The following ELAVL4 variants were observed in gnomAD, a reference collection of about 807,000 sequenced individuals.
ELAVL4 encodes ELAV like RNA binding protein 4.
A neutral mutation model predicts 35.6 loss-of-function variants in ELAVL4; 1 was observed. The ratio of observed to expected loss-of-function variants is 0.03; its 90% CI spans 0.01 to 0.13. ELAVL4 has a LOEUF of 0.13. Among genes scored for constraint, ELAVL4 ranks in the 10% least tolerant of loss-of-function variants. The pLI, the probability that ELAVL4 is intolerant of heterozygous loss-of-function variation, is 1.00. For missense variants in ELAVL4, 267 were observed against 464.9 expected (o/e 0.57, Z 3.91); for synonymous variants, 156 against 171.0 (o/e 0.91, Z 0.69).
rs1213720608 is a variant in ELAVL4 at position 50,119,757 on chromosome 1, A to G, written c.9+10559A>G. On this transcript the variant is annotated intron_variant, in intron 1 of 6. Transcript: ENST00000371824. ...TTCTAGAACTTCAGCTGTTCTCAGC[A>G]TAGTTCTGCTTGTAACAGATCTGTG... Among the ~76,000 whole-genome samples the G allele has an allele frequency of 5.3e-5, 8 of 151,918 alleles. 1 individual carries two copies. The highest frequency in any genetic ancestry group is 7.4e-5 in the Non-Finnish European group (5 of 67,946).
intron 1 of ELAVL4, among the ~76,000 whole-genome samples, chr1:50,068,302 C>T (rs140179897): frequency 1.0e-3 from 155 of 152,226 alleles, no homozygotes; most frequent in Non-Finnish European, 1.5e-5. Context: ...GAGCAGTCCA[C>T]TTTGGTATGG....
At chr1:50,111,215 G>A (rs1027747397) in intron 1 of ELAVL4, among the ~76,000 whole-genome samples, 7 of 151,130 alleles carry the variant, frequency 4.6e-5, no homozygotes, top group African/African-American at 1.7e-4. Flanking sequence ...AGGTGAGGGG[G>A]AAGGGAGGGT....
At chr1:50,197,827 A>G (rs1644149977) in intron 6 of ELAVL4, among the ~76,000 whole-genome samples, 1 of 152,250 alleles carries the variant, frequency 6.6e-6, no homozygotes, top group East Asian at 1.9e-4. Flanking sequence ...ACTGTTTTGC[A>G]TTAGCAATGC....
At chr1:50,093,552 C>G (rs2148507198) in intron 1 of ELAVL4, among the ~76,000 whole-genome samples, 1 of 152,292 alleles carries the variant, frequency 6.6e-6, no homozygotes, top group African/African-American at 2.4e-5. Flanking sequence ...TTTGCCATTA[C>G]TGGTTTATGC....
At chr1:50,192,743 A>T (rs2148877307) in intron 3 of ELAVL4, among the ~76,000 whole-genome samples, 1 of 152,338 alleles carries the variant, frequency 6.6e-6, no homozygotes, top group East Asian at 1.9e-4. Flanking sequence ...TAGCTTTAGC[A>T]GGAAAGTGCT....
In ELAVL4 at chr1:50,098,406, A is replaced by C. The variant is rs367797977; in HGVS notation, c.19-46551A>C. Reference sequence around the variant, plus strand: ...TTGTGAGTAATTTTAGGGAAGGACCAGGGCTTTTCTAGACACTCAAATTTT... The same window carrying C: ...TTGTGAGTAATTTTAGGGAAGGACCCGGGCTTTTCTAGACACTCAAATTTT... On this transcript the variant is annotated intron_variant, in intron 1 of 6. Coordinates refer to the ELAVL4 transcript ENST00000448907. Among the ~76,000 whole-genome samples, 46 of 152,334 alleles carry C rather than the reference A, an allele frequency of 3.0e-4. 1 individual carries two copies. The South Asian group carries it at 8.7e-3, about 29-fold the overall frequency.
intron 1 of ELAVL4, among the ~76,000 whole-genome samples, chr1:50,052,339 C>T (rs1445472586): frequency 6.6e-6 from 1 of 152,128 alleles, no homozygotes; most frequent in Non-Finnish European, 1.5e-5. Context: ...ACACACCCCA[C>T]ACTTTTTGTG....
At chr1:50,106,191 C>A (rs1666290243), upstream of ELAVL4, 1 of 828,744 alleles carries the variant, frequency 1.2e-6, no homozygotes, top group Admixed American at 2.3e-5. Context: ...TTCTCCACTG[C>A]GCGGAGTAGG....
At chr1:50,081,793 A>G (rs1192280147) in intron 1 of ELAVL4, among the ~76,000 whole-genome samples, 2 of 152,286 alleles carry the variant, frequency 1.3e-5, no homozygotes, top group South Asian at 2.1e-4. Flanking sequence ...CCCGTCATCT[A>G]CATTAGGTAT....
chr1:50,139,288 A>G (rs550287804), intron 1 of ELAVL4, among the ~76,000 whole-genome samples: 1 of 152,320 alleles, frequency 6.6e-6, no homozygotes, highest in Non-Finnish European at 1.5e-5. Flanking sequence ...GCTGTAATAA[A>G]CAAAACAGAT....
chr1:50,074,852 A>G (rs960812548), intron 1 of ELAVL4, among the ~76,000 whole-genome samples: 6 of 152,198 alleles, frequency 3.9e-5, no homozygotes, highest in African/African-American at 1.2e-4. Flanking sequence ...AAGAAAATAT[A>G]TAGAACACTG....
chr1:50,112,074 C>T (rs529345448), intron 1 of ELAVL4, among the ~76,000 whole-genome samples: 1 of 151,804 alleles, frequency 6.6e-6, no homozygotes, highest in Non-Finnish European at 1.5e-5. Flanking sequence ...ATTGCAAATC[C>T]CCCCAATTCT....
chr1:50,100,783 G>A (rs1007098671), upstream of ELAVL4, among the ~76,000 whole-genome samples: 18 of 152,128 alleles, frequency 1.2e-4, no homozygotes, highest in African/African-American at 3.9e-4. Context: ...TTTGCAGCAG[G>A]CACTTTTTTA....
At chr1:50,064,504 TC>T (rs1664164327) in intron 1 of ELAVL4, among the ~76,000 whole-genome samples, 1 of 152,192 alleles carries the variant, frequency 6.6e-6, no homozygotes, top group Admixed American at 6.5e-5. Context: ...CAGCTATCAG[TC>T]CTGCCAACTT....
intron 1 of ELAVL4, among the ~76,000 whole-genome samples, chr1:50,134,221 C>T (rs1049951859): frequency 4.6e-5 from 7 of 152,228 alleles, no homozygotes; most frequent in Admixed American, 1.3e-4. Context: ...GAGTTTGCTG[C>T]GACTGAGCCA....
At chr1:50,106,421 C>T (rs1049699191), upstream of ELAVL4, 9 of 1,570,410 alleles carry the variant, frequency 5.7e-6, no homozygotes, top group African/African-American at 5.4e-5. Flanking sequence ...GCGCTGGCAG[C>T]CCCACAGTGC....
chr1:50,081,108 G>A (rs1664987039), intron 1 of ELAVL4, among the ~76,000 whole-genome samples: 1 of 152,142 alleles, frequency 6.6e-6, no homozygotes, highest in Admixed American at 6.5e-5. Flanking sequence ...CTCTTGTGGA[G>A]GTGCCAAAAT....
At chr1:50,143,366 A>G (rs200617015) in intron 1 of ELAVL4, among the ~76,000 whole-genome samples, 6 of 152,214 alleles carry the variant, frequency 3.9e-5, no homozygotes, top group South Asian at 2.1e-4. Context: ...TTCCTCATCT[A>G]TAAGACATAG....
intron 1 of ELAVL4, among the ~76,000 whole-genome samples, chr1:50,124,573 C>G (rs1340076902): frequency 6.6e-6 from 1 of 152,054 alleles, no homozygotes; most frequent in Non-Finnish European, 1.5e-5. Context: ...TTTTATCTTA[C>G]TCATCCCTTA....
Sources: allele counts gnomAD v4.1 joint callset (sites outside exome capture counted in the v4.1 genomes callset), GRCh38; gene constraint gnomAD v4.1.1; transcripts MANE v1.5; gene names NCBI Gene and HGNC (gene_info 2026-07-23, HGNC 2026-07-21).